The following WDR5 variants were observed in gnomAD, a reference collection of about 807,000 sequenced individuals.
WDR5 encodes the protein WD repeat domain 5.
For synonymous variants in WDR5, 144 were observed against 161.6 expected (o/e 0.89, Z 0.83); for missense variants, 187 against 416.9 (o/e 0.45, Z 4.80).
chr9:134,159,194 G>A lies in WDR5; in HGVS notation c.*1201G>A, dbSNP rs1034444802. 3 of 152,372 alleles carry A rather than the reference G, an allele frequency of 2.0e-5. No homozygotes were observed. Among genetic ancestry groups the A allele is most frequent in the Non-Finnish European group, 4.4e-5 (3 of 68,148 alleles). 9.4% of individuals were successfully genotyped at this position (152,372 alleles called of 1,614,324 possible). ...GGCCGAGCGGGAGCCTCTGGGGAGC[G>A]AGGCTGAAACCTGAACCTGCCCATG... is the stretch of plus-strand genomic sequence containing the variant. On this transcript the variant is annotated 3_prime_UTR_variant, in exon 14 of 14. Transcript: ENST00000358625. The surrounding 1 kb of genome is among the most constrained non-coding windows in gnomAD (Gnocchi z 4.3).
intron 6 of WDR5, 66 bp from the exon 7 acceptor site, chr9:134,142,570 T>C (rs756122409): frequency 1.3e-6 from 2 of 1,586,240 alleles, no homozygotes; most frequent in Non-Finnish European, 1.7e-6. Flanking sequence ...ATAGCAGGTC[T>C]TAGGTTCTGG....
intron 9 of WDR5, 141 bp from the exon 10 acceptor site, chr9:134,154,325 G>A (rs1228438554): frequency 1.8e-5 from 15 of 844,880 alleles, no homozygotes; most frequent in East Asian, 1.2e-4. Context: ...TCGGGGCGGC[G>A]AGGGGTGGTG....
At chr9:134,142,752 C>T (rs777515078) in intron 7 of WDR5, 33 bp downstream of exon 7, 11 of 1,606,416 alleles carry the variant, frequency 6.8e-6, no homozygotes, top group Admixed American at 1.7e-5. Context: ...GGGTGGTGTC[C>T]AGCACTACGT....
chr9:134,147,906 G>A lies in WDR5; in HGVS notation c.529-382G>A, dbSNP rs534203990. On this transcript the variant is annotated intron_variant, in intron 7 of 13. Transcript: ENST00000358625. The stretch of plus-strand genomic sequence containing the variant: ...CGCGGTGCCTCACACCTGTAATCCC[G>A]CAGTTTGGGAAGCCAAGGCGGGTGG... Among the ~76,000 whole-genome samples the A allele has an allele frequency of 6.6e-5, 10 of 151,714 alleles. No individual in the cohort carries two copies. In the South Asian group the frequency reaches 1.5e-3, roughly 22 times the overall value.
rs568967903 is a variant in WDR5 at position 134,141,864 on chromosome 9, C to T, written c.265-85C>T. 2.3e-5 allele frequency: 30 copies of T among 1,323,386 alleles called. No homozygotes were observed. The East Asian group carries it at 6.7e-4, about 29-fold the overall frequency. The allele number at this position is 1,323,386 out of a possible 1,614,324, so 82.0% of individuals were successfully genotyped here. A position where few individuals can be genotyped will look rare whatever the true frequency, so the allele number is the denominator to read the frequency against. On this transcript the variant is annotated intron_variant, in intron 4 of 13. Coordinates refer to ENST00000358625, the MANE Select transcript of WDR5 (RefSeq NM_017588.3). ...CACTAGTGAGAAGATTTCCTGAGGG[C>T]AATGGGGATGTTTGGGATTTTGACC...
intron 7 of WDR5, among the ~76,000 whole-genome samples, chr9:134,143,622 G>T (rs1674943251): frequency 6.6e-6 from 1 of 151,850 alleles, no homozygotes; most frequent in Admixed American, 6.5e-5. Context: ...CGCCTCCCGG[G>T]TTCATGCCAT....
chr9:134,149,851 C>T (rs1049975476), intron 8 of WDR5, among the ~76,000 whole-genome samples: 4 of 152,168 alleles, frequency 2.6e-5, no homozygotes, highest in African/African-American at 4.8e-5. Context: ...CAGAAGCCTC[C>T]GTCCAGCCTG....
intron 7 of WDR5, 45 bp from the exon 8 acceptor site, chr9:134,148,243 C>A: frequency 9.6e-6 from 9 of 938,442 alleles, no homozygotes; most frequent in Non-Finnish European, 1.4e-5. Flanking sequence ...GTGTCCCTGA[C>A]TTGAAAGTAA....
rs968659044 is a variant in WDR5 at position 134,158,235 on chromosome 9, T to C, written c.*242T>C. On this transcript the variant is annotated 3_prime_UTR_variant, in exon 14 of 14. Coordinates refer to ENST00000358625, the MANE Select transcript of WDR5 (RefSeq NM_017588.3). Reference sequence around the variant, plus strand: ...TGTCTAGGGAAGAGTTCCTAGTCTATTGTGTTCAAACAGAGTCAACAAAAG... The same window carrying C: ...TGTCTAGGGAAGAGTTCCTAGTCTACTGTGTTCAAACAGAGTCAACAAAAG... 2.8e-5 allele frequency: 12 copies of C among 430,148 alleles called. No individual in the cohort carries two copies. The East Asian group carries it at 3.1e-4, about 11-fold the overall frequency. The allele number at this position is 430,148 out of a possible 1,614,324, so 26.6% of individuals were successfully genotyped here.
intron 9 of WDR5, among the ~76,000 whole-genome samples, chr9:134,153,092 C>A (rs939648574): frequency 6.6e-6 from 1 of 152,190 alleles, no homozygotes; most frequent in Non-Finnish European, 1.5e-5. Context: ...GTGGGGCCAG[C>A]CTTTTGCCAT....
chr9:134,156,627 C>CT (rs761122721), intron 13 of WDR5, 34 bp downstream of exon 13: 4 of 1,600,936 alleles, frequency 2.5e-6, no homozygotes, highest in Non-Finnish European at 3.4e-6. Context: ...CACTGGCTGC[C>CT]TGTTGATGTG....
intron 9 of WDR5, among the ~76,000 whole-genome samples, chr9:134,152,338 T>C (rs1156292972): frequency 6.6e-6 from 1 of 152,252 alleles, no homozygotes; most frequent in Non-Finnish European, 1.5e-5. Context: ...GCCTCCTGGC[T>C]TCGGGCCCCT....
In WDR5 at chr9:134,158,005, C is replaced by T; in HGVS notation, c.*12C>T. ...AGAGTGACTGCTAAGTCCCTTTGCT[C>T]CTGCCCGCGAGAGACTGTCGGGAAG... On this transcript the variant is annotated 3_prime_UTR_variant, in exon 14 of 14. Coordinates refer to ENST00000358625, the MANE Select transcript of WDR5 (RefSeq NM_017588.3). 1 of 1,612,488 alleles carries T rather than the reference C, an allele frequency of 6.2e-7. No individual in the cohort carries two copies. Among genetic ancestry groups the T allele is most frequent in the Non-Finnish European group, 8.5e-7 (1 of 1,178,626 alleles).
At chr9:134,150,340 CTCTG>C (rs766479489) in intron 8 of WDR5, among the ~76,000 whole-genome samples, 6 of 152,326 alleles carry the variant, frequency 3.9e-5, no homozygotes, top group Non-Finnish European at 5.9e-5. Flanking sequence ...CGTTAAATGT[CTCTG>C]TCTGTTATTA....
chr9:134,140,003 G>A (rs752825921), intron 2 of WDR5, 45 bp downstream of exon 2: 13 of 1,602,634 alleles, frequency 8.1e-6, no homozygotes, highest in Non-Finnish European at 1.1e-5. Context: ...GGGCAAATAC[G>A]CTTAGAGAGT....
At chr9:134,151,235 TGAAGTGTGGGCA>T (rs1443037161) in intron 8 of WDR5, among the ~76,000 whole-genome samples, 1 of 152,068 alleles carries the variant, frequency 6.6e-6, no homozygotes, top group Non-Finnish European at 1.5e-5. Flanking sequence ...CCTGGATTAT[TGAAGTGTGGGCA>T]GAACAGGAGG....
intron 3 of WDR5, 49 bp from the exon 4 acceptor site, chr9:134,141,461 A>AG (rs1471611555): frequency 1.3e-6 from 2 of 1,590,324 alleles, no homozygotes; most frequent in Admixed American, 3.3e-5. Context: ...CTGGATGACT[A>AG]GACAATTGTG....
In WDR5 at chr9:134,155,378, G is replaced by GC; in HGVS notation, c.741+10dup. 1.9e-6 allele frequency: 3 copies of GC among 1,606,072 alleles called. No individual in the cohort carries two copies. The highest frequency in any genetic ancestry group is 2.5e-6 in the Non-Finnish European group (3 of 1,176,552). ...TGGGACTACAGCAAGGGGAAGGTGA[G>GC]CCCCCGCAGGCTTGGGCCCCCATGG... On this transcript the variant is annotated splice_donor_region_variant and intron_variant, in intron 11 of 13. Coordinates refer to ENST00000358625, the MANE Select transcript of WDR5 (RefSeq NM_017588.3).
intron 1 of WDR5, among the ~76,000 whole-genome samples, chr9:134,138,355 G>A (rs1307740899): frequency 1.3e-5 from 2 of 150,552 alleles, no homozygotes; most frequent in Admixed American, 6.7e-5. Flanking sequence ...GCTGTCTAAC[G>A]CTAGGACTGT....
Sources: allele counts gnomAD v4.1 joint callset (sites outside exome capture counted in the v4.1 genomes callset), GRCh38; gene constraint gnomAD v4.1.1; non-coding constraint Gnocchi (gnomAD v3.1); transcripts MANE v1.5; gene names NCBI Gene and HGNC (gene_info 2026-07-23, HGNC 2026-07-21).